EHBP1: variants seen among roughly 807,000 people sequenced by gnomAD.
EHBP1 encodes the protein EH domain binding protein 1.
A neutral mutation model predicts 144.0 loss-of-function variants in EHBP1; 55 were observed. That is an observed-to-expected ratio of 0.38 (90% CI 0.31 to 0.48). EHBP1 has a LOEUF of 0.48. Ranked by LOEUF, EHBP1 falls within the 20% of genes least tolerant of loss-of-function variation. The pLI is 0.98. For missense variants in EHBP1, 1,200 were observed against 1,364.2 expected (o/e 0.88, Z 1.90); for synonymous variants, 469 against 472.7 (o/e 0.99, Z 0.10).
chr2:62,729,591 T>C (rs1163098018), intron 2 of EHBP1, among the ~76,000 whole-genome samples: 4 of 127,544 alleles, frequency 3.1e-5, no homozygotes, highest in Non-Finnish European at 6.3e-5. Flanking sequence ...ATAATAATAA[T>C]ATATATAATA....
At chr2:63,015,488 G>A (rs1357652086) in intron 19 of EHBP1, among the ~76,000 whole-genome samples, 1 of 152,046 alleles carries the variant, frequency 6.6e-6, no homozygotes, top group Non-Finnish European at 1.5e-5. Flanking sequence ...TAAAGTTCCT[G>A]GGTTTTTGTG....
intron 7 of EHBP1, among the ~76,000 whole-genome samples, chr2:62,856,091 T>C (rs1345351917): frequency 6.6e-6 from 1 of 152,196 alleles, no homozygotes; most frequent in Non-Finnish European, 1.5e-5. Flanking sequence ...CTCCTCTTTA[T>C]CTTGCTCACC....
intron 15 of EHBP1, among the ~76,000 whole-genome samples, chr2:62,984,397 CT>C (rs1458331050): frequency 6.6e-6 from 1 of 152,110 alleles, no homozygotes; most frequent in Admixed American, 6.6e-5. Flanking sequence ...CTCCTTTTAC[CT>C]TTTCCTGCAC....
intron 5 of EHBP1, among the ~76,000 whole-genome samples, chr2:62,818,290 A>G (rs2045596473): frequency 6.6e-6 from 1 of 151,486 alleles, no homozygotes; most frequent in South Asian, 2.1e-4. Flanking sequence ...AGTGCCCTAT[A>G]CAGACATACC....
chr2:62,936,675 A>G (rs1313187791), intron 10 of EHBP1, among the ~76,000 whole-genome samples: 2 of 151,828 alleles, frequency 1.3e-5, no homozygotes. Flanking sequence ...TGTTTTGTAG[A>G]AGATTAAAAA....
intron 5 of EHBP1, among the ~76,000 whole-genome samples, chr2:62,816,121 A>T (rs373524488): frequency 6.6e-6 from 1 of 152,192 alleles, no homozygotes; most frequent in Non-Finnish European, 1.5e-5. Flanking sequence ...TTCCAGCTAC[A>T]TATCTGTGTG....
Position 62,948,518 on chromosome 2 carries a change from C to A in EHBP1, c.1672C>A (p.Arg558=). 8.1e-6 allele frequency: 13 copies of A among 1,614,036 alleles called. No homozygotes were observed. Among genetic ancestry groups the A allele is most frequent in the Non-Finnish European group, 1.0e-5 (12 of 1,179,960 alleles). ...CTATGCAGAGCTTAGTGATCTGAAG[C>A]GGGAGCCTGAACTACAACAGCCTAT... ...KFYAELSDLK[R]EPELQQPISG... The change falls in exon 13 of 23, where the codon CGG becomes AGG. Residue 558 remains arginine (R), a synonymous_variant. Transcript: ENST00000431489.
intron 10 of EHBP1, among the ~76,000 whole-genome samples, chr2:62,889,337 A>G (rs1042337722): frequency 8.6e-5 from 13 of 151,146 alleles, no homozygotes; most frequent in Admixed American, 2.6e-4. Flanking sequence ...ATTTTCTCCC[A>G]TTCTGTAAGT....
intron 21 of EHBP1, among the ~76,000 whole-genome samples, chr2:63,039,590 C>T (rs1013466355): frequency 6.6e-6 from 1 of 152,098 alleles, no homozygotes; most frequent in Non-Finnish European, 1.5e-5. Context: ...ATATTGACCT[C>T]TTAACCCATT....
Position 63,046,003 on chromosome 2 carries a change from A to G in EHBP1, c.*503A>G, listed in dbSNP as rs2061942595. ...TACCTAAATTTTATAGTTAGATCATATCCAATCTACTTATTAAACTGTGTT... is the reference window on the plus strand; with the variant it reads ...TACCTAAATTTTATAGTTAGATCATGTCCAATCTACTTATTAAACTGTGTT... On this transcript the variant is annotated 3_prime_UTR_variant, in exon 23 of 23. Coordinates refer to ENST00000431489, the MANE Select transcript of EHBP1 (RefSeq NM_001142616.3). The G allele has an allele frequency of 6.5e-6, 1 of 154,966 alleles. No homozygotes were observed. The allele number at this position is 154,966 out of a possible 1,614,324, so 9.6% of individuals were successfully genotyped here. A position where few individuals can be genotyped will look rare whatever the true frequency, so the allele number is the denominator to read the frequency against.
At chr2:62,795,030 G>C (rs1055807263) in intron 5 of EHBP1, among the ~76,000 whole-genome samples, 1 of 151,422 alleles carries the variant, frequency 6.6e-6, no homozygotes, top group African/African-American at 2.4e-5. Context: ...CGTAACTAAT[G>C]TGTGTATACA....
intron 2 of EHBP1, among the ~76,000 whole-genome samples, chr2:62,741,980 T>G (rs113773670): frequency 1.1e-3 from 162 of 152,252 alleles, no homozygotes; most frequent in African/African-American, 3.5e-3. Flanking sequence ...TAATACTGTA[T>G]TTTTTACTGC....
In EHBP1 at chr2:62,861,616, C is replaced by G. The variant is rs956718333; in HGVS notation, c.757+2325C>G. The stretch of plus-strand genomic sequence containing the variant: ...AAGTTAGCCCAGTGTGGGGCACACA[C>G]CTATAATCCCAGCTGTTTGGGAGGC... On this transcript the variant is annotated intron_variant, in intron 8 of 22. Coordinates refer to ENST00000431489, the MANE Select transcript of EHBP1 (RefSeq NM_001142616.3). 7.2e-5 allele frequency among the ~76,000 whole-genome samples: 11 copies of G among 151,972 alleles called. No homozygotes were observed. The South Asian group carries it at 2.3e-3, about 32-fold the overall frequency.
Position 62,917,441 on chromosome 2 carries a change from C to T in EHBP1, c.1186-25277C>T, listed in dbSNP as rs570569963. Reference sequence around the variant, plus strand: ...CTATGTATATTAATATAAACAGATGCGCACGTGTGCACACAGATGCACATG... The same window carrying T: ...CTATGTATATTAATATAAACAGATGTGCACGTGTGCACACAGATGCACATG... On this transcript the variant is annotated intron_variant, in intron 10 of 22. Coordinates refer to ENST00000431489, the MANE Select transcript of EHBP1 (RefSeq NM_001142616.3). Among the ~76,000 whole-genome samples, 178 of 152,126 alleles carry T rather than the reference C, an allele frequency of 1.2e-3. 3 individuals carry two copies. In the South Asian group the frequency reaches 0.033, roughly 28 times the overall value.
intron 3 of EHBP1, among the ~76,000 whole-genome samples, chr2:62,751,228 T>C (rs2039680904): frequency 6.6e-6 from 1 of 152,260 alleles, no homozygotes; most frequent in Non-Finnish European, 1.5e-5. Context: ...CTTTTCTGCA[T>C]CTATTGAGAT....
At chr2:62,978,735 T>C (rs1472445396) in intron 14 of EHBP1, among the ~76,000 whole-genome samples, 1 of 152,182 alleles carries the variant, frequency 6.6e-6, no homozygotes, top group African/African-American at 2.4e-5. Flanking sequence ...CCATTTCCTA[T>C]ATAGTATTTG....
At chr2:63,036,081 A>G (rs1279517898) in intron 19 of EHBP1, among the ~76,000 whole-genome samples, 4 of 152,058 alleles carry the variant, frequency 2.6e-5, no homozygotes, top group Admixed American at 2.0e-4. Flanking sequence ...TATCTATTTT[A>G]TAGGGATGCT....
At chr2:62,884,909 AT>A (rs2051796873) in intron 10 of EHBP1, among the ~76,000 whole-genome samples, 1 of 152,246 alleles carries the variant, frequency 6.6e-6, no homozygotes, top group African/African-American at 2.4e-5. Context: ...ACATCAAAAC[AT>A]TTCTGTTAAA....
At chr2:62,991,353 A>C (rs919586512) in intron 16 of EHBP1, among the ~76,000 whole-genome samples, 1 of 152,150 alleles carries the variant, frequency 6.6e-6, no homozygotes, top group African/African-American at 2.4e-5. Flanking sequence ...GGAAACTACT[A>C]CTTTAAACTG....
Sources: gnomAD v4.1 joint callset for allele counts (sites outside exome capture counted in the v4.1 genomes callset) on GRCh38, gnomAD v4.1.1 for gene constraint, MANE v1.5 for transcripts, NCBI Gene and HGNC (gene_info 2026-07-23, HGNC 2026-07-21) for gene names.